SGCD: variants seen among roughly 807,000 people sequenced by gnomAD.
SGCD encodes the protein sarcoglycan delta, also known as delta-sarcoglycan.
SGCD carries 18 observed loss-of-function variants against 36.6 expected under a neutral mutation model. That is an observed-to-expected ratio of 0.49 (90% CI 0.34 to 0.73). The LOEUF is 0.73. Among genes scored for constraint, SGCD ranks in the 30% least tolerant of loss-of-function variants. SGCD has a pLI of 0.01. For missense variants in SGCD, 387 were observed against 346.7 expected (o/e 1.12, Z -0.92); for synonymous variants, 133 against 130.6 (o/e 1.02, Z -0.12).
At chr5:156,081,449 G>C (rs1760949860) in intron 1 of SGCD, among the ~76,000 whole-genome samples, 2 of 152,160 alleles carry the variant, frequency 1.3e-5, no homozygotes, top group African/African-American at 4.8e-5. Context: ...GCTGAGTGCA[G>C]TGGCACGATC....
At chr5:156,520,268 T>C (rs1757344347) in intron 4 of SGCD, among the ~76,000 whole-genome samples, 1 of 141,556 alleles carries the variant, frequency 7.1e-6, no homozygotes, top group South Asian at 2.3e-4. Context: ...CATTTACAAT[T>C]GCTACAAAGA....
chr5:156,061,735 A>G (rs1383501275), intron 1 of SGCD, among the ~76,000 whole-genome samples: 1 of 145,282 alleles, frequency 6.9e-6, no homozygotes. Context: ...CAATGTAAAG[A>G]AAAAGTAAGA....
At chr5:156,081,469 T>G (rs112861162) in intron 1 of SGCD, among the ~76,000 whole-genome samples, 6 of 152,166 alleles carry the variant, frequency 3.9e-5, no homozygotes, top group African/African-American at 1.4e-4. Context: ...CATAGTTCAC[T>G]GCAGCATTGA....
intron 3 of SGCD, among the ~76,000 whole-genome samples, chr5:156,154,734 G>A (rs1397389670): frequency 6.6e-6 from 1 of 151,672 alleles, no homozygotes; most frequent in Non-Finnish European, 1.5e-5. Context: ...ACTAAGGCTG[G>A]CTGGCTCTTA....
At chr5:156,522,759 T>C (rs1160481703) in intron 4 of SGCD, among the ~76,000 whole-genome samples, 2 of 144,632 alleles carry the variant, frequency 1.4e-5, no homozygotes, top group African/African-American at 5.3e-5. Flanking sequence ...GACAACCCCA[T>C]CCCCACCCCC....
intron 1 of SGCD, among the ~76,000 whole-genome samples, chr5:155,975,102 G>A (rs1758082905): frequency 6.6e-6 from 1 of 152,128 alleles, no homozygotes. Flanking sequence ...GAAGAGCTGG[G>A]AGAGAGAAGG....
At chr5:155,950,989 C>T (rs1757537006) in intron 1 of SGCD, among the ~76,000 whole-genome samples, 2 of 152,094 alleles carry the variant, frequency 1.3e-5, no homozygotes, top group Admixed American at 1.3e-4. Context: ...TCACTTCTCC[C>T]AAACACAGTC....
intron 3 of SGCD, among the ~76,000 whole-genome samples, chr5:156,283,115 A>G (rs1766497569): frequency 6.6e-6 from 1 of 152,152 alleles, no homozygotes; most frequent in African/African-American, 2.4e-5. Flanking sequence ...AGAACTTCAT[A>G]TATAATAGGG....
intron 1 of SGCD, among the ~76,000 whole-genome samples, chr5:155,993,385 C>T (rs1189408665): frequency 6.7e-6 from 1 of 149,612 alleles, no homozygotes; most frequent in East Asian, 2.0e-4. Context: ...CTGACACCCA[C>T]CCAGGCTGGA....
intron 1 of SGCD, among the ~76,000 whole-genome samples, chr5:156,026,922 G>GA (rs200928101): frequency 2.6e-5 from 4 of 151,708 alleles, no homozygotes; most frequent in East Asian, 3.9e-4. Flanking sequence ...CAAAAATGAT[G>GA]AAAAAAAATA....
intron 7 of SGCD, among the ~76,000 whole-genome samples, chr5:156,667,995 C>T (rs1192064372): frequency 3.9e-5 from 6 of 152,178 alleles, no homozygotes; most frequent in African/African-American, 9.7e-5. Flanking sequence ...ACAGAGTTCA[C>T]GTAACCTTAG....
At chr5:156,550,765 G>C (rs1025475156) in intron 4 of SGCD, among the ~76,000 whole-genome samples, 4 of 152,170 alleles carry the variant, frequency 2.6e-5, no homozygotes, top group African/African-American at 9.7e-5. Context: ...GTTGAGAACT[G>C]TTCCTCTGTG....
intron 3 of SGCD, among the ~76,000 whole-genome samples, chr5:156,440,825 T>G (rs898474453): frequency 2.6e-5 from 4 of 152,196 alleles, no homozygotes; most frequent in Non-Finnish European, 5.9e-5. Flanking sequence ...TTTATTAAGT[T>G]GTAAGAATTC....
intron 1 of SGCD, among the ~76,000 whole-genome samples, chr5:155,872,302 C>A (rs1451666586): frequency 1.3e-5 from 2 of 151,554 alleles, no homozygotes; most frequent in Non-Finnish European, 2.9e-5. Context: ...CAATGTGAAA[C>A]AATGCTCAGG....
intron 8 of SGCD, among the ~76,000 whole-genome samples, chr5:156,758,783 T>TA (rs1213396336): frequency 2.7e-4 from 39 of 146,510 alleles, no homozygotes; most frequent in African/African-American, 9.3e-4. Context: ...CATAAATTGT[T>TA]AGAAAAAAAA....
intron 1 of SGCD, among the ~76,000 whole-genome samples, chr5:156,050,390 G>C (rs938895237): frequency 4.1e-5 from 6 of 146,142 alleles, no homozygotes; most frequent in African/African-American, 1.2e-4. Flanking sequence ...AATTATAAAG[G>C]GTACATTTTT....
intron 3 of SGCD, among the ~76,000 whole-genome samples, chr5:156,241,251 C>CGT (rs60843726): frequency 0.086 from 12,435 of 145,020 alleles, 699 homozygotes; most frequent in African/African-American, 0.18. Flanking sequence ...TAGACCAAAA[C>CGT]GTGTGTGTGT....
chr5:155,978,702 A>G (rs148318346), intron 1 of SGCD, among the ~76,000 whole-genome samples: 15 of 152,296 alleles, frequency 9.8e-5, no homozygotes, highest in African/African-American at 3.4e-4. Context: ...CTCTAAAACA[A>G]TAGAAACTGT....
intron 3 of SGCD, among the ~76,000 whole-genome samples, chr5:156,285,187 T>C (rs1465313816): frequency 6.6e-6 from 1 of 152,100 alleles, no homozygotes; most frequent in African/African-American, 2.4e-5. Context: ...TACAAACAAA[T>C]GGAAGAACAT....
Sources: gnomAD v4.1 joint callset for allele counts (sites outside exome capture counted in the v4.1 genomes callset) on GRCh38, gnomAD v4.1.1 for gene constraint, MANE v1.5 for transcripts, NCBI Gene and HGNC (gene_info 2026-07-23, HGNC 2026-07-21) for gene names.